DOCK3: variants seen among roughly 807,000 people sequenced by gnomAD.
DOCK3 encodes the protein dedicator of cytokinesis 3.
Under a neutral mutation model 265.6 loss-of-function variants are expected in DOCK3, and 60 were observed. The observed-to-expected ratio is 0.23, with a 90% CI of 0.18 to 0.28. The LOEUF is 0.28. Ranked by LOEUF, DOCK3 falls within the 10% of genes least tolerant of loss-of-function variation. The probability of loss-of-function intolerance (pLI) is 1.00; values close to 1 mark genes in which losing one functional copy is unlikely to be tolerated. For synonymous variants in DOCK3, 881 were observed against 938.0 expected, an observed-to-expected ratio of 0.94 and a Z score of 1.11; for missense variants, 1,981 against 2,594.3, an observed-to-expected ratio of 0.76 and a Z score of 5.14.
chr3:51,332,140 C>G (rs1184357027), intron 33 of DOCK3, among the ~76,000 whole-genome samples: 2 of 152,212 alleles, frequency 1.3e-5, no homozygotes, highest in African/African-American at 4.8e-5. Flanking sequence ...TGCTAGACCC[C>G]TAACTGGGTC....
chr3:50,731,669 A>G (rs1305590559), intron 1 of DOCK3, among the ~76,000 whole-genome samples: 1 of 152,200 alleles, frequency 6.6e-6, no homozygotes, highest in Non-Finnish European at 1.5e-5. Context: ...ACTTACCACC[A>G]TTTATTATGA....
chr3:50,796,234 G>A (rs1015638695), intron 2 of DOCK3, among the ~76,000 whole-genome samples: 3 of 150,900 alleles, frequency 2.0e-5, no homozygotes, highest in East Asian at 2.0e-4. Context: ...TAGTAGAGAC[G>A]GGGTTTCACC....
chr3:51,213,980 C>CT, intron 13 of DOCK3, 142 bp from the exon 14 acceptor site: 1 of 1,097,304 alleles, frequency 9.1e-7, no homozygotes, highest in Non-Finnish European at 1.3e-6. Flanking sequence ...TTCAAAATAA[C>CT]TTATACTGTC....
At chr3:50,770,592 T>A (rs1368724385) in intron 1 of DOCK3, among the ~76,000 whole-genome samples, 1 of 151,138 alleles carries the variant, frequency 6.6e-6, no homozygotes, top group Non-Finnish European at 1.5e-5. Flanking sequence ...GAAAAAAAAA[T>A]GTAAAATTTA....
intron 24 of DOCK3, among the ~76,000 whole-genome samples, chr3:51,274,523 A>G: frequency 6.6e-6 from 1 of 152,184 alleles, no homozygotes; most frequent in East Asian, 1.9e-4. Context: ...CACACCTGTA[A>G]TCTTAGCATT....
At chr3:51,309,042 C>G (rs561030392) in intron 27 of DOCK3, among the ~76,000 whole-genome samples, 2 of 151,220 alleles carry the variant, frequency 1.3e-5, no homozygotes, top group Non-Finnish European at 2.9e-5. Flanking sequence ...CGGGCAGAGA[C>G]GCTTCTCACT....
At chr3:51,191,328 G>A (rs1048223101) in intron 12 of DOCK3, among the ~76,000 whole-genome samples, 2 of 152,152 alleles carry the variant, frequency 1.3e-5, no homozygotes, top group Non-Finnish European at 2.9e-5. Flanking sequence ...GTTAACCTGA[G>A]ACTACTGCCT....
intron 10 of DOCK3, among the ~76,000 whole-genome samples, chr3:51,148,495 A>T (rs1005099004): frequency 6.6e-6 from 1 of 152,212 alleles, no homozygotes; most frequent in African/African-American, 2.4e-5. Flanking sequence ...TTAAGTCCTT[A>T]ATCCATCTTG....
At position 50,846,560 on chromosome 3, in the gene DOCK3, G is replaced by T. The variant is rs550027856; in HGVS notation, c.162+4845G>T. On this transcript the variant is annotated intron_variant, in intron 3 of 52. Transcript: ENST00000266037. ...AGGGTCCCTCTTCCTTGATGTTTTGGAATAGTTTCAGTAAGATTGGTGGCA... is the reference window on the plus strand; with the variant it reads ...AGGGTCCCTCTTCCTTGATGTTTTGTAATAGTTTCAGTAAGATTGGTGGCA... Among the ~76,000 whole-genome samples the T allele has an allele frequency of 2.6e-5, 4 of 152,224 alleles. No homozygotes were observed. In the South Asian group the frequency reaches 6.2e-4, roughly 24 times the overall value.
At chr3:50,970,477 T>C (rs2077165711) in intron 5 of DOCK3, among the ~76,000 whole-genome samples, 1 of 152,132 alleles carries the variant, frequency 6.6e-6, no homozygotes, top group African/African-American at 2.4e-5. Flanking sequence ...TGAAGGCTTT[T>C]CACTTTTTAA....
chr3:51,375,927 C>T, intron 51 of DOCK3, 92 bp downstream of exon 51: 1 of 1,273,476 alleles, frequency 7.9e-7, no homozygotes, highest in Middle Eastern at 2.0e-4. Flanking sequence ...AGGGCTAAGC[C>T]ATACTTCAAC....
intron 7 of DOCK3, among the ~76,000 whole-genome samples, chr3:51,080,175 A>T (rs2082179389): frequency 6.6e-6 from 1 of 152,234 alleles, no homozygotes; most frequent in Non-Finnish European, 1.5e-5. Flanking sequence ...TAATTTTGTT[A>T]TTCAGTTGGT....
chr3:50,851,808 C>T (rs1234662188), intron 3 of DOCK3, among the ~76,000 whole-genome samples: 1 of 152,226 alleles, frequency 6.6e-6, no homozygotes, highest in Non-Finnish European at 1.5e-5. Context: ...CACTACCCTA[C>T]TTCAGAACAG....
intron 5 of DOCK3, among the ~76,000 whole-genome samples, chr3:50,953,542 A>G (rs1166233953): frequency 6.6e-6 from 1 of 152,138 alleles, no homozygotes; most frequent in Non-Finnish European, 1.5e-5. Context: ...AATTCAGTAC[A>G]TTGAATATAA....
At chr3:50,690,459 C>T (rs2035145374) in intron 1 of DOCK3, among the ~76,000 whole-genome samples, 1 of 152,006 alleles carries the variant, frequency 6.6e-6, no homozygotes, top group Admixed American at 6.6e-5. Context: ...AGTTCCATGG[C>T]ATTAAGTATG....
chr3:50,829,304 A>G (rs2044982339), intron 2 of DOCK3, among the ~76,000 whole-genome samples: 1 of 152,146 alleles, frequency 6.6e-6, no homozygotes, highest in South Asian at 2.1e-4. Flanking sequence ...TTGAAAAGTC[A>G]CTGTGTTATT....
chr3:50,988,074 A>T (rs188523252), intron 5 of DOCK3, among the ~76,000 whole-genome samples: 1 of 152,312 alleles, frequency 6.6e-6, no homozygotes, highest in East Asian at 1.9e-4. Context: ...CACAAGACCC[A>T]CTGGCTTGGA....
chr3:51,233,147 T>A (rs2078196669), intron 19 of DOCK3, among the ~76,000 whole-genome samples: 1 of 152,238 alleles, frequency 6.6e-6, no homozygotes, highest in Non-Finnish European at 1.5e-5. Context: ...TAGTTTCTTC[T>A]AATTCTGGGA....
intron 2 of DOCK3, among the ~76,000 whole-genome samples, chr3:50,788,800 G>A (rs572768706): frequency 3.3e-5 from 5 of 150,548 alleles, no homozygotes; most frequent in East Asian, 2.0e-4. Context: ...GAGGGAGGCA[G>A]GGGAGGGGGG....
Sources: allele counts gnomAD v4.1 joint callset (sites outside exome capture counted in the v4.1 genomes callset), GRCh38; gene constraint gnomAD v4.1.1; transcripts MANE v1.5; gene names NCBI Gene and HGNC (gene_info 2026-07-23, HGNC 2026-07-21).